The following MEGF11 variants were observed in gnomAD, a reference collection of about 807,000 sequenced individuals.
The protein encoded by MEGF11 is multiple epidermal growth factor-like domains protein 11.
In MEGF11, 126 loss-of-function variants were observed where a neutral mutation model predicts 146.6. That is an observed-to-expected ratio of 0.86 (90% CI 0.74 to 1.00). The LOEUF (loss-of-function observed/expected upper bound fraction) is 1.00. Among genes scored for constraint, MEGF11 ranks in the 50% least tolerant of loss-of-function variants. MEGF11 has a pLI of 0.00. For missense variants in MEGF11, 1,509 were observed against 1,521.2 expected (o/e 0.99, Z 0.13); for synonymous variants, 532 against 583.4 (o/e 0.91, Z 1.27).
At chr15:65,943,594 G>C (rs2080084005) in intron 10 of MEGF11, among the ~76,000 whole-genome samples, 1 of 152,190 alleles carries the variant, frequency 6.6e-6, no homozygotes, top group Non-Finnish European at 1.5e-5. Context: ...GATAGGATTT[G>C]GGCCTGCTGT....
At chr15:65,908,761 G>A (rs549115953) in intron 23 of MEGF11, among the ~76,000 whole-genome samples, 1 of 152,318 alleles carries the variant, frequency 6.6e-6, no homozygotes, top group South Asian at 2.1e-4. Flanking sequence ...GGCCTGTAGG[G>A]AGGGCAGTTT....
chr15:66,131,202 G>A (rs2140972877), intron 1 of MEGF11, among the ~76,000 whole-genome samples: 1 of 152,362 alleles, frequency 6.6e-6, no homozygotes, highest in Non-Finnish European at 1.5e-5. Flanking sequence ...CGGATAAAGG[G>A]AAGAGAAAGT....
chr15:66,103,973 G>A (rs905700299), intron 4 of MEGF11, among the ~76,000 whole-genome samples: 1 of 152,234 alleles, frequency 6.6e-6, no homozygotes. Flanking sequence ...CTGCTTCCTA[G>A]CTGTGGGTCC....
intron 15 of MEGF11, among the ~76,000 whole-genome samples, chr15:65,920,106 C>T (rs547431764): frequency 6.6e-6 from 1 of 152,310 alleles, no homozygotes; most frequent in Admixed American, 6.5e-5. Context: ...TGCCCAAGGT[C>T]ACACAACTAG....
chr15:65,914,067 T>G, intron 19 of MEGF11, 94 bp from the exon 20 acceptor site: 1 of 919,802 alleles, frequency 1.1e-6, no homozygotes, highest in South Asian at 1.5e-5. Context: ...CCCTCTAATG[T>G]TAGGAGATCT....
At position 65,982,466 on chromosome 15, in the gene MEGF11, C is replaced by T. The variant is rs759433305; in HGVS notation, c.417G>A (p.Gly139=). ...ACTGGCACCGGTTGCTGCAGTGGGG[C>T]CCCCAGTGGTCGCTGTCGCAGCCTG... ...CSSGCDSDHW[G]PHCSNRCQCQ... Residue 139 remains glycine, a synonymous_variant, in exon 6 of 26, where the codon GGG becomes GGA. Coordinates refer to ENST00000395614, the MANE Select transcript of MEGF11 (RefSeq NM_001385028.1). The surrounding 1 kb of genome is among the most constrained non-coding windows in gnomAD (Gnocchi z 5.6). The T allele has an allele frequency of 6.8e-7, 1 of 1,480,808 alleles. No homozygotes were observed. The highest frequency in any genetic ancestry group is 9.0e-7 in the Non-Finnish European group (1 of 1,115,068). 91.7% of individuals were successfully genotyped at this position (1,480,808 alleles called of 1,614,324 possible). A position where few individuals can be genotyped will look rare whatever the true frequency, so the allele number is the denominator to read the frequency against.
At chr15:66,131,969 C>A (rs2088664563) in intron 1 of MEGF11, among the ~76,000 whole-genome samples, 1 of 152,218 alleles carries the variant, frequency 6.6e-6, no homozygotes, top group Non-Finnish European at 1.5e-5. Flanking sequence ...TCCTGAGAGT[C>A]TGCATGCACT....
chr15:66,036,240 T>G (rs899350399), intron 5 of MEGF11, among the ~76,000 whole-genome samples: 1 of 152,256 alleles, frequency 6.6e-6, no homozygotes, highest in African/African-American at 2.4e-5. Flanking sequence ...CCCACAGCAG[T>G]GACCTACTCA....
At chr15:65,997,682 C>T (rs935335082) in intron 5 of MEGF11, among the ~76,000 whole-genome samples, 2 of 152,130 alleles carry the variant, frequency 1.3e-5, no homozygotes, top group Non-Finnish European at 2.9e-5. Context: ...GTTTTATTCA[C>T]TGTTATATCC....
intron 1 of MEGF11, among the ~76,000 whole-genome samples, chr15:66,204,536 C>G (rs1291671677): frequency 6.6e-6 from 1 of 152,240 alleles, no homozygotes; most frequent in African/African-American, 2.4e-5. Context: ...GGCATGTGCA[C>G]TGGGTTCAAG....
Position 65,913,939 on chromosome 15 carries a change from G to A in MEGF11, c.2508C>T (p.Thr836=), listed in dbSNP as rs978618087. 4.3e-6 allele frequency: 7 copies of A among 1,613,972 alleles called. No homozygotes were observed. The highest frequency in any genetic ancestry group is 5.9e-6 in the Non-Finnish European group (7 of 1,179,882). Residue 836 remains threonine (T), a synonymous_variant, in exon 20 of 26, where the codon ACC becomes ACT. Coordinates refer to ENST00000395614, the MANE Select transcript of MEGF11 (RefSeq NM_001385028.1). ...CTGCACCCAGTGCTGGGCTGATCTT[G>A]GTGTAGGGATTCAGCTCCTCCATCA... The part of the protein sequence containing the change: ...ALMMEELNPY[T]KISPALGAER...
intron 4 of MEGF11, among the ~76,000 whole-genome samples, chr15:66,107,900 G>A (rs1037675405): frequency 6.6e-6 from 1 of 152,184 alleles, no homozygotes; most frequent in Non-Finnish European, 1.5e-5. Context: ...GCCAGTGAGA[G>A]AAACAATAAA....
At chr15:66,175,581 T>A (rs112071470) in intron 1 of MEGF11, among the ~76,000 whole-genome samples, 2,261 of 152,304 alleles carry the variant, frequency 0.015, 51 homozygotes, top group African/African-American at 0.051. Context: ...AAGGACATTG[T>A]CTTCAATAAA....
At chr15:65,924,379 G>A (rs915199130) in intron 13 of MEGF11, among the ~76,000 whole-genome samples, 20 of 136,922 alleles carry the variant, frequency 1.5e-4, no homozygotes, top group Admixed American at 1.4e-3. Flanking sequence ...TGGGTGGGGG[G>A]GGGGGCAAGT....
chr15:66,179,710 C>T (rs901468227), intron 1 of MEGF11, among the ~76,000 whole-genome samples: 3 of 152,118 alleles, frequency 2.0e-5, no homozygotes, highest in African/African-American at 7.2e-5. Flanking sequence ...TTCCCAAACC[C>T]ATGTTACCCC....
At chr15:66,117,435 C>T (rs2087785415) in intron 4 of MEGF11, among the ~76,000 whole-genome samples, 1 of 152,214 alleles carries the variant, frequency 6.6e-6, no homozygotes, top group African/African-American at 2.4e-5. Context: ...GTCAGCAAGA[C>T]TGGGCCTCCT....
chr15:66,247,758 C>T (rs922687296), intron 1 of MEGF11, among the ~76,000 whole-genome samples: 1 of 151,978 alleles, frequency 6.6e-6, no homozygotes, highest in African/African-American at 2.4e-5. Flanking sequence ...ATGGTTCAGC[C>T]GGGCGCAGTG....
At chr15:66,241,057 A>C (rs1182155433) in intron 1 of MEGF11, among the ~76,000 whole-genome samples, 1 of 152,158 alleles carries the variant, frequency 6.6e-6, no homozygotes, top group Admixed American at 6.5e-5. Flanking sequence ...AGTCATGGGG[A>C]CTGGGCAAGC....
intron 5 of MEGF11, among the ~76,000 whole-genome samples, chr15:65,997,532 C>T (rs1418272272): frequency 6.6e-6 from 1 of 152,166 alleles, no homozygotes; most frequent in Admixed American, 6.5e-5. Context: ...AGCTCTCTCC[C>T]CCATCCTCTG....
Sources: gnomAD v4.1 joint callset for allele counts (sites outside exome capture counted in the v4.1 genomes callset) on GRCh38, gnomAD v4.1.1 for gene constraint, Gnocchi (gnomAD v3.1) non-coding constraint, MANE v1.5 for transcripts, NCBI Gene and HGNC (gene_info 2026-07-23, HGNC 2026-07-21) for gene names.